Variants in CCNB3 observed in about 807,000 individuals in gnomAD.
CCNB3 encodes the protein cyclin B3.
Under a neutral mutation model 68.0 loss-of-function variants are expected in CCNB3, and 12 were observed. That is an observed-to-expected ratio of 0.18 (90% confidence interval 0.11 to 0.29). The LOEUF (loss-of-function observed/expected upper bound fraction) is 0.29, where lower values mean the gene tolerates loss of function less well. Among genes scored for constraint, CCNB3 ranks in the 10% least tolerant of loss-of-function variants. CCNB3 has a pLI of 1.00. For missense variants in CCNB3, 904 were observed against 993.1 expected (o/e 0.91, Z 1.21); for synonymous variants, 354 against 388.9 (o/e 0.91, Z 1.06).
intron 5 of CCNB3, among the ~76,000 whole-genome samples, chrX:50,301,321 G>A (rs1448978048): frequency 8.9e-6 from 1 of 111,821 alleles, no homozygotes; most frequent in Non-Finnish European, 1.9e-5. Context: ...TGGTGTGGAT[G>A]TCCTTTCTGT....
At chrX:50,228,151 ATATC>A (rs1158667517) in intron 1 of CCNB3, among the ~76,000 whole-genome samples, 1 of 91,862 alleles carries the variant, frequency 1.1e-5, no homozygotes, top group Non-Finnish European at 2.1e-5. Context: ...ATATATATAA[ATATC>A]TACATAGAAT....
At chrX:50,214,498 A>G (rs1759221524) in intron 1 of CCNB3, among the ~76,000 whole-genome samples, 1 of 69,461 alleles carries the variant, frequency 1.4e-5, no homozygotes, top group African/African-American at 4.5e-5. Flanking sequence ...ATATATATAT[A>G]TATATATATA....
At chrX:50,347,860 C>T (rs893744162) in intron 11 of CCNB3, 85 bp downstream of exon 11, 6 of 970,894 alleles carry the variant, frequency 6.2e-6, no homozygotes, top group African/African-American at 3.9e-5. Flanking sequence ...ATTAAGGCCA[C>T]GGGAAACTCT....
chrX:50,336,762 G>T (rs782280375), intron 8 of CCNB3, among the ~76,000 whole-genome samples: 1 of 111,236 alleles, frequency 9.0e-6, no homozygotes, highest in South Asian at 3.9e-4. Context: ...CCCTTGTTCA[G>T]GTCCCACTGG....
intron 1 of CCNB3, among the ~76,000 whole-genome samples, chrX:50,282,238 G>C (rs1569542308): frequency 9.0e-6 from 1 of 111,354 alleles, no homozygotes; most frequent in Non-Finnish European, 1.9e-5. Context: ...GAGAGGGAAA[G>C]GGACTTGCCC....
In CCNB3 at chrX:50,309,904, A is replaced by G; in HGVS notation, c.1735A>G (p.Thr579Ala). Residue 579 changes from threonine to alanine, a missense_variant, in exon 6 of 13, where the codon ACA becomes GCA. Physicochemically the swap from Thr to Ala is moderately conservative, Grantham distance 58. Around this residue, in one of 2 missense-constraint regions of CCNB3, gnomAD observed 619 missense variants for 609.8 expected, o/e 1.02. Transcript: ENST00000376042. ...TAGGAAGAACCCTACAACTGAGGAGACAGTACTTACCAAGACATCGTTGTC... is the reference window on the plus strand; with the variant it reads ...TAGGAAGAACCCTACAACTGAGGAGGCAGTACTTACCAAGACATCGTTGTC... ...SFRKNPTTEE[T>A]VLTKTSLSLQ... 8.3e-7 allele frequency: 1 copy of G among 1,210,601 alleles called. No individual in the cohort carries two copies. The highest frequency in any genetic ancestry group is 1.1e-6 in the Non-Finnish European group (1 of 894,614).
chrX:50,319,999 G>T (rs893899008), intron 8 of CCNB3, among the ~76,000 whole-genome samples: 1 of 110,618 alleles, frequency 9.0e-6, no homozygotes, highest in Non-Finnish European at 1.9e-5. Context: ...AGGTATTGCT[G>T]GATTTGATTT....
chrX:50,313,774 G>A, intron 7 of CCNB3, 82 bp from the exon 8 acceptor site: 1 of 701,119 alleles, frequency 1.4e-6, no homozygotes, highest in Non-Finnish European at 2.2e-6. Context: ...TTAGAACTAT[G>A]AGGGAGAAGT....
At chrX:50,291,457 TTTTGCCATG>T (rs1225254949) in intron 4 of CCNB3, among the ~76,000 whole-genome samples, 1 of 111,125 alleles carries the variant, frequency 9.0e-6, no homozygotes, top group East Asian at 2.8e-4. Flanking sequence ...AGAGATGGGA[TTTTGCCATG>T]TTGCCCAGGC....
Position 50,288,791 on chromosome X carries a change from T to C in CCNB3, c.108T>C (p.Asn36=). ...HHDPSEKTGE[N]CQTKISPSSL... is the part of the protein sequence containing the mutation. ...TTTTACTTTTTTAGACGGGGGAGAATTGCCAAACGAAGATATCTCCATCTT... is the reference window on the plus strand; with the variant it reads ...TTTTACTTTTTTAGACGGGGGAGAACTGCCAAACGAAGATATCTCCATCTT... The change falls in exon 4 of 13, where the codon AAT becomes AAC. Residue 36 remains asparagine, a synonymous_variant. Coordinates refer to ENST00000376042, the MANE Select transcript of CCNB3 (RefSeq NM_033031.3). The C allele has an allele frequency of 8.3e-7, 1 of 1,203,745 alleles. No individual in the cohort carries two copies. The highest frequency in any genetic ancestry group is 1.1e-6 in the Non-Finnish European group (1 of 888,886).
At chrX:50,344,554 A>G (rs1413027504) in intron 9 of CCNB3, among the ~76,000 whole-genome samples, 3 of 111,739 alleles carry the variant, frequency 2.7e-5, no homozygotes, top group African/African-American at 9.8e-5. Context: ...GCATCCAACT[A>G]ATTAAATGGG....
intron 8 of CCNB3, among the ~76,000 whole-genome samples, chrX:50,328,897 C>T (rs1029046995): frequency 3.6e-5 from 4 of 112,473 alleles, no homozygotes; most frequent in African/African-American, 1.3e-4. Context: ...AGTCTGAAAC[C>T]CAGTAGGGTT....
intron 1 of CCNB3, among the ~76,000 whole-genome samples, chrX:50,279,127 T>TTATATTCATATATAAATATATAGAATATA (rs1936014181): frequency 3.6e-4 from 22 of 61,687 alleles, no homozygotes; most frequent in African/African-American, 1.4e-3. Context: ...ATAGAATATA[T>TTATATTCATATATAAATATATAGAATATA]TATATTCATA....
At chrX:50,208,246 A>G (rs187494718) in intron 1 of CCNB3, among the ~76,000 whole-genome samples, 237 of 112,034 alleles carry the variant, frequency 2.1e-3, no homozygotes, top group African/African-American at 6.6e-3. Context: ...AGCTCATATT[A>G]TCAATTAGTG....
rs782694746 is a variant in CCNB3, at chrX:50,309,020, C to T, written c.851C>T (p.Ser284Leu). The change falls in exon 6 of 13, where the codon TCA (serine) becomes TTA (leucine). Residue 284 changes from serine to leucine, a missense_variant. Ser to Leu is a moderately radical substitution (Grantham distance 145). This residue lies in a region of CCNB3 where 619 missense variants were observed against 609.8 expected (regional missense o/e 1.02). Transcript: ENST00000376042. ...TEESIPTHKL[S>L]SLKKKCTIYG... ...GAGTCAATCCCCACCCATAAGTTAT[C>T]ATCTTTAAAGAAGAAATGTACCATT... 8.3e-7 allele frequency: 1 copy of T among 1,210,893 alleles called. No individual in the cohort carries two copies. Among genetic ancestry groups the T allele is most frequent in the South Asian group, 1.8e-5 (1 of 56,886 alleles).
At chrX:50,347,529 C>T in intron 10 of CCNB3, 97 bp from the exon 11 acceptor site, 4 of 823,403 alleles carry the variant, frequency 4.9e-6, no homozygotes, top group Non-Finnish European at 7.0e-6. Flanking sequence ...AAACAGAGGG[C>T]CACTGAGGCT....
chrX:50,341,371 A>ATAAATAAG (rs1280958875), intron 8 of CCNB3, among the ~76,000 whole-genome samples: 15 of 107,521 alleles, frequency 1.4e-4, no homozygotes, highest in East Asian at 2.9e-4. Flanking sequence ...AAATAAATAA[A>ATAAATAAG]TAAGTAAAAA....
intron 1 of CCNB3, among the ~76,000 whole-genome samples, chrX:50,210,125 T>G (rs1935460201): frequency 8.9e-6 from 1 of 112,021 alleles, no homozygotes; most frequent in Non-Finnish European, 1.9e-5. Context: ...ATCTGTAATC[T>G]ATTTTCATGT....
At chrX:50,208,139 G>C (rs797030745) in intron 1 of CCNB3, among the ~76,000 whole-genome samples, 1 of 111,943 alleles carries the variant, frequency 8.9e-6, no homozygotes, top group Admixed American at 9.5e-5. Flanking sequence ...GTTTTTATTG[G>C]GGGCTGGTGA....
Sources: gnomAD v4.1 joint callset for allele counts (sites outside exome capture counted in the v4.1 genomes callset) on GRCh38, gnomAD v4.1.1 for gene constraint, gnomAD v4.1.1 regional missense constraint, MANE v1.5 for transcripts, NCBI Gene and HGNC (gene_info 2026-07-23, HGNC 2026-07-21) for gene names.